Variants in TENM2 observed in about 807,000 individuals in gnomAD.
TENM2 encodes the protein teneurin-2.
In TENM2, 52 loss-of-function variants were observed where a neutral mutation model predicts 245.2. The observed-to-expected ratio is 0.21, with a 90% CI of 0.17 to 0.27. The LOEUF (loss-of-function observed/expected upper bound fraction) is 0.27, where lower values mean the gene tolerates loss of function less well. Ranked by LOEUF, TENM2 falls within the 10% of genes least tolerant of loss-of-function variation. TENM2 has a pLI of 1.00. For synonymous variants in TENM2, 1,363 were observed against 1,438.9 expected (o/e 0.95, Z 1.19); for missense variants, 3,046 against 3,666.8 (o/e 0.83, Z 4.37).
At chr5:168,128,406 G>T (rs1796007201) in intron 12 of TENM2, among the ~76,000 whole-genome samples, 1 of 152,320 alleles carries the variant, frequency 6.6e-6, no homozygotes, top group Middle Eastern at 3.4e-3. Context: ...TTTACATGAA[G>T]ATTCCCCTCC....
At chr5:167,560,591 C>G (rs1450875378) in intron 2 of TENM2, among the ~76,000 whole-genome samples, 1 of 152,168 alleles carries the variant, frequency 6.6e-6, no homozygotes, top group East Asian at 1.9e-4. Context: ...TTTGTCTCCT[C>G]TAAGCCTCAG....
chr5:167,117,024 T>G, the TENM2 span, among the ~76,000 whole-genome samples: 1 of 152,204 alleles, frequency 6.6e-6, no homozygotes, highest in Admixed American at 6.5e-5. Context: ...AATCCAGAAA[T>G]TTGATTTAAA....
intron 27 of TENM2, among the ~76,000 whole-genome samples, chr5:168,253,561 A>G (rs955073849): frequency 4.0e-5 from 6 of 151,518 alleles, no homozygotes; most frequent in Non-Finnish European, 7.4e-5. Context: ...GAGTAGCTGG[A>G]ACTACAGGCG....
In TENM2 at chr5:167,530,519, T is replaced by C. The variant is rs192992678; in HGVS notation, c.502+155046T>C. Among the ~76,000 whole-genome samples, 25 of 152,356 alleles carry C rather than the reference T, an allele frequency of 1.6e-4. No individual in the cohort carries two copies. In the East Asian group the frequency reaches 3.7e-3, roughly 22 times the overall value. On this transcript the variant is annotated intron_variant, in intron 2 of 28. Transcript: ENST00000518659. The stretch of plus-strand genomic sequence containing the variant: ...ATATTTTTGGCCCCAAAGTGGATTT[T>C]CTCACAAAATGGCAGTTATCAGCAG...
intron 2 of TENM2, among the ~76,000 whole-genome samples, chr5:167,758,994 A>C (rs553706456): frequency 6.6e-6 from 1 of 151,816 alleles, no homozygotes; most frequent in African/African-American, 2.4e-5. Flanking sequence ...TGAATAAATA[A>C]TAATTGTTTC....
the TENM2 span, among the ~76,000 whole-genome samples, chr5:167,049,481 C>T: frequency 6.6e-6 from 1 of 152,050 alleles, no homozygotes; most frequent in Non-Finnish European, 1.5e-5. Flanking sequence ...ACTGGGAGTC[C>T]TCTTGTCTTT....
chr5:167,558,634 C>T (rs1393055245), intron 2 of TENM2, among the ~76,000 whole-genome samples: 1 of 152,204 alleles, frequency 6.6e-6, no homozygotes, highest in African/African-American at 2.4e-5. Flanking sequence ...GCCTGATGAT[C>T]TGTCACTGTC....
At chr5:167,830,135 A>T (rs998458466) in intron 2 of TENM2, among the ~76,000 whole-genome samples, 5 of 152,212 alleles carry the variant, frequency 3.3e-5, no homozygotes, top group Non-Finnish European at 7.3e-5. Flanking sequence ...CTTTCAATTT[A>T]AGAATGTCTA....
At chr5:167,719,418 A>T (rs1030505998) in intron 2 of TENM2, among the ~76,000 whole-genome samples, 1 of 152,162 alleles carries the variant, frequency 6.6e-6, no homozygotes, top group African/African-American at 2.4e-5. Flanking sequence ...AAAAATTCCT[A>T]AGGGTTTGAG....
the TENM2 span, among the ~76,000 whole-genome samples, chr5:167,111,788 G>A: frequency 6.6e-6 from 1 of 152,134 alleles, no homozygotes; most frequent in Non-Finnish European, 1.5e-5. Flanking sequence ...TTATGAGACT[G>A]TTTTACACAC....
the TENM2 span, among the ~76,000 whole-genome samples, chr5:167,107,700 C>T: frequency 6.6e-6 from 1 of 152,150 alleles, no homozygotes; most frequent in African/African-American, 2.4e-5. Flanking sequence ...AGTTTGGAGA[C>T]ATCTGGAGGA....
intron 2 of TENM2, among the ~76,000 whole-genome samples, chr5:167,388,717 C>T (rs551354794): frequency 7.2e-5 from 11 of 152,010 alleles, no homozygotes; most frequent in Admixed American, 2.6e-4. Context: ...TCATTCAGTT[C>T]GAATAATTTT....
At chr5:167,189,522 TTTCTCTCTTTCTTTCG>T in the TENM2 span, among the ~76,000 whole-genome samples, 1 of 151,944 alleles carries the variant, frequency 6.6e-6, no homozygotes, top group African/African-American at 2.4e-5. Flanking sequence ...TCTTCCTTCC[TTTCTCTCTTTCTTTCG>T]TTCTCTCTTT....
intron 2 of TENM2, among the ~76,000 whole-genome samples, chr5:167,471,921 C>G (rs1331860434): frequency 4.6e-5 from 7 of 152,206 alleles, no homozygotes; most frequent in Non-Finnish European, 1.0e-4. Flanking sequence ...AAATCCTTTT[C>G]TTTCTCTGAG....
the TENM2 span, among the ~76,000 whole-genome samples, chr5:167,063,169 C>G: frequency 1.3e-5 from 2 of 152,284 alleles, no homozygotes; most frequent in Middle Eastern, 6.8e-3. Flanking sequence ...TTGGGCATCT[C>G]AATATCTGTT....
At chr5:167,156,713 GAAAC>G in the TENM2 span, among the ~76,000 whole-genome samples, 3 of 152,164 alleles carry the variant, frequency 2.0e-5, no homozygotes, top group Non-Finnish European at 4.4e-5. Flanking sequence ...CGCACACTGA[GAAAC>G]TCAAAGAGGG....
chr5:167,491,408 T>G (rs940273208), intron 2 of TENM2, among the ~76,000 whole-genome samples: 3 of 152,120 alleles, frequency 2.0e-5, no homozygotes, highest in African/African-American at 7.2e-5. Flanking sequence ...GTTCTTAACT[T>G]TATTCACTGA....
chr5:168,017,345 CAA>C (rs1286533741), intron 5 of TENM2, among the ~76,000 whole-genome samples: 1 of 152,166 alleles, frequency 6.6e-6, no homozygotes, highest in Non-Finnish European at 1.5e-5. Flanking sequence ...TAAGAATAAA[CAA>C]GAGGAAAATT....
At chr5:168,020,080 C>T (rs1786010753) in intron 5 of TENM2, among the ~76,000 whole-genome samples, 1 of 152,048 alleles carries the variant, frequency 6.6e-6, no homozygotes, top group Non-Finnish European at 1.5e-5. Context: ...CTTAGAGGGG[C>T]CAGGGTTTAG....
Sources: gnomAD v4.1 joint callset for allele counts (sites outside exome capture counted in the v4.1 genomes callset) on GRCh38, gnomAD v4.1.1 for gene constraint, MANE v1.5 for transcripts, NCBI Gene and HGNC (gene_info 2026-07-23, HGNC 2026-07-21) for gene names.